The following EFCAB6 variants were observed in gnomAD, a reference collection of about 807,000 sequenced individuals.
The protein encoded by EFCAB6 is EF-hand calcium-binding domain-containing protein 6.
EFCAB6 carries 156 observed loss-of-function variants against 169.8 expected under a neutral mutation model. The ratio of observed to expected loss-of-function variants is 0.92; its 90% confidence interval spans 0.81 to 1.05. The LOEUF is 1.05. EFCAB6 is among the 50% of genes least tolerant of loss of function. EFCAB6 has a pLI of 0.00. For missense variants in EFCAB6, 1,800 were observed against 1,829.1 expected (o/e 0.98, Z 0.29); for synonymous variants, 698 against 676.4 (o/e 1.03, Z -0.50).
At chr22:43,659,968 T>C (rs1018099724) in intron 17 of EFCAB6, among the ~76,000 whole-genome samples, 5 of 152,192 alleles carry the variant, frequency 3.3e-5, no homozygotes, top group African/African-American at 4.8e-5. Context: ...AGCTCCCTAC[T>C]GCATGTCTCA....
At chr22:43,620,094 G>T (rs1377455883) in intron 20 of EFCAB6, among the ~76,000 whole-genome samples, 1 of 152,168 alleles carries the variant, frequency 6.6e-6, no homozygotes, top group Non-Finnish European at 1.5e-5. Flanking sequence ...GAGATGGGAG[G>T]ATTGCTTGAA....
chr22:43,808,903 A>G (rs1373399403), intron 2 of EFCAB6, 92 bp downstream of exon 2: 2 of 152,196 alleles, frequency 1.3e-5, no homozygotes, highest in African/African-American at 4.8e-5. Flanking sequence ...ATGAGCAAAC[A>G]AATGACTGAA....
intron 10 of EFCAB6, among the ~76,000 whole-genome samples, chr22:43,705,959 AGAT>A (rs1192232714): frequency 2.6e-5 from 4 of 152,220 alleles, no homozygotes; most frequent in African/African-American, 9.6e-5. Flanking sequence ...CTTTTTGAAA[AGAT>A]AAACAAAATA....
chr22:43,557,664 A>G (rs986625425), intron 26 of EFCAB6, among the ~76,000 whole-genome samples: 4 of 152,228 alleles, frequency 2.6e-5, no homozygotes, highest in African/African-American at 4.8e-5. Context: ...GTCATATTCC[A>G]ATTATTGTAT....
chr22:43,662,819 G>T (rs2057071106), intron 17 of EFCAB6, among the ~76,000 whole-genome samples: 1 of 152,166 alleles, frequency 6.6e-6, no homozygotes, highest in Non-Finnish European at 1.5e-5. Flanking sequence ...ACTACATGCA[G>T]CAAGCCTGCG....
chr22:43,792,980 T>A (rs1433006201), intron 2 of EFCAB6, among the ~76,000 whole-genome samples: 1 of 152,218 alleles, frequency 6.6e-6, no homozygotes, highest in African/African-American at 2.4e-5. Flanking sequence ...GTTGCAGTGA[T>A]TGCTGATGCA....
chr22:43,784,571 G>A (rs867990264), intron 2 of EFCAB6, among the ~76,000 whole-genome samples: 4,915 of 62,608 alleles, frequency 0.079, 687 homozygotes, highest in African/African-American at 0.22. Context: ...ATATATATGT[G>A]TACATATACA....
At chr22:43,757,880 A>C (rs886788854) in intron 5 of EFCAB6, among the ~76,000 whole-genome samples, 5 of 152,230 alleles carry the variant, frequency 3.3e-5, no homozygotes, top group Non-Finnish European at 7.3e-5. Flanking sequence ...TAACTTAGTG[A>C]CACTAGCTTT....
At chr22:43,581,309 G>A (rs145020996) in intron 24 of EFCAB6, among the ~76,000 whole-genome samples, 1 of 152,296 alleles carries the variant, frequency 6.6e-6, no homozygotes, top group East Asian at 1.9e-4. Context: ...TGGTTGAAAT[G>A]AAGTTGTCAA....
chr22:43,611,605 T>C (rs1449771313), intron 21 of EFCAB6, among the ~76,000 whole-genome samples: 1 of 152,092 alleles, frequency 6.6e-6, no homozygotes, highest in Non-Finnish European at 1.5e-5. Flanking sequence ...AAGACAAGTC[T>C]GGGAAACATG....
In EFCAB6 at chr22:43,534,753, G is replaced by C. The variant is rs2047286382; in HGVS notation, c.4168C>G (p.Leu1390Val). 6.2e-7 allele frequency: 1 copy of C among 1,613,858 alleles called. No homozygotes were observed. ...GAGCTTTCCTTTGCTTTTAGCAGGA[G>C]GACACAGCTCTGAATGAAGTCACAG... is the stretch of plus-strand genomic sequence containing the variant. ...AYCDFIQSCV[L>V]LLKAKESSLM... The change falls in exon 30 of 32, where the codon CTC becomes GTC. Residue 1390 changes from leucine to valine, a missense_variant. Physicochemically the swap from Leu to Val is conservative, Grantham distance 32 (BLOSUM62 1). Transcript: ENST00000262726.
chr22:43,667,274 T>C lies in EFCAB6; in HGVS notation c.1815-2A>G. ...GTTTTATCCTCCGTGAGCTTGGTTC[T>C]AAAATCACAAGCAGGCATTTAGACC... On this transcript the variant is annotated splice_acceptor_variant, in intron 16 of 31. Transcript: ENST00000262726. LOFTEE classifies it high-confidence loss of function. 1.2e-6 allele frequency: 2 copies of C among 1,613,108 alleles called. No individual in the cohort carries two copies. The highest frequency in any genetic ancestry group is 1.7e-6 in the Non-Finnish European group (2 of 1,179,522).
chr22:43,632,665 C>G (rs1283797789), intron 18 of EFCAB6, among the ~76,000 whole-genome samples: 1 of 152,158 alleles, frequency 6.6e-6, no homozygotes, highest in African/African-American at 2.4e-5. Flanking sequence ...AAATCCCATA[C>G]AGTACCCTCC....
intron 6 of EFCAB6, among the ~76,000 whole-genome samples, chr22:43,754,854 G>T (rs528240239): frequency 6.6e-6 from 1 of 152,150 alleles, no homozygotes; most frequent in Non-Finnish European, 1.5e-5. Flanking sequence ...TCAATTGCAC[G>T]ACAAAACTCT....
At chr22:43,678,821 T>C (rs898575919) in intron 12 of EFCAB6, among the ~76,000 whole-genome samples, 1 of 152,180 alleles carries the variant, frequency 6.6e-6, no homozygotes, top group African/African-American at 2.4e-5. Context: ...AAAGAACCTT[T>C]ACCTCATACG....
At chr22:43,752,808 T>C (rs1603331059) in intron 6 of EFCAB6, among the ~76,000 whole-genome samples, 1 of 152,164 alleles carries the variant, frequency 6.6e-6, no homozygotes, top group East Asian at 1.9e-4. Context: ...AAGCTCCTTA[T>C]TTTCTAAGAT....
intron 6 of EFCAB6, among the ~76,000 whole-genome samples, chr22:43,753,790 G>A (rs2060857196): frequency 6.6e-6 from 1 of 152,140 alleles, no homozygotes; most frequent in African/African-American, 2.4e-5. Context: ...TAGGAAGGCT[G>A]GTCCAAACAT....
At chr22:43,623,112 T>C (rs2054220128) in intron 20 of EFCAB6, among the ~76,000 whole-genome samples, 1 of 152,228 alleles carries the variant, frequency 6.6e-6, no homozygotes, top group African/African-American at 2.4e-5. Context: ...TCGTATCAGC[T>C]GAAGCGCTTG....
intron 4 of EFCAB6, among the ~76,000 whole-genome samples, chr22:43,771,449 T>A (rs2061467903): frequency 6.6e-6 from 1 of 151,948 alleles, no homozygotes; most frequent in Non-Finnish European, 1.5e-5. Flanking sequence ...AATAAATTAA[T>A]TAATTAATTT....
Sources: allele counts gnomAD v4.1 joint callset (sites outside exome capture counted in the v4.1 genomes callset), GRCh38; gene constraint gnomAD v4.1.1; transcripts MANE v1.5; gene names NCBI Gene and HGNC (gene_info 2026-07-23, HGNC 2026-07-21).